The following LRRC1 variants were observed in gnomAD, a reference collection of about 807,000 sequenced individuals.
LRRC1 encodes leucine-rich repeat-containing protein 1.
LRRC1 carries 28 observed loss-of-function variants against 69.9 expected under a neutral mutation model. That is an observed-to-expected ratio of 0.40 (90% CI 0.30 to 0.55). LRRC1 has a LOEUF of 0.55. Among genes scored for constraint, LRRC1 ranks in the 20% least tolerant of loss-of-function variants. The pLI is 0.47. For synonymous variants in LRRC1, 236 were observed against 240.2 expected (o/e 0.98, Z 0.16); for missense variants, 498 against 609.0 (o/e 0.82, Z 1.92).
chr6:53,827,472 A>G (rs972940423), intron 1 of LRRC1, among the ~76,000 whole-genome samples: 1 of 152,186 alleles, frequency 6.6e-6, no homozygotes, highest in African/African-American at 2.4e-5. Flanking sequence ...TTGAAGGAGC[A>G]GAGGCAAAAT....
chr6:53,918,441 TC>T (rs1227856191), intron 11 of LRRC1, among the ~76,000 whole-genome samples: 5 of 152,262 alleles, frequency 3.3e-5, no homozygotes, highest in African/African-American at 9.6e-5. Context: ...GTTAATACTG[TC>T]CATGCACTCT....
intron 2 of LRRC1, among the ~76,000 whole-genome samples, chr6:53,857,004 T>A (rs551043274): frequency 8.9e-4 from 136 of 152,234 alleles, no homozygotes; most frequent in Non-Finnish European, 1.5e-3. Flanking sequence ...GCTGAAGAAA[T>A]GATCAGGTCT....
intron 2 of LRRC1, among the ~76,000 whole-genome samples, chr6:53,849,748 G>A (rs1474906095): frequency 6.6e-6 from 1 of 152,226 alleles, no homozygotes; most frequent in Admixed American, 6.5e-5. Context: ...AGCTTTATAA[G>A]TGTTGAATAA....
intron 4 of LRRC1, among the ~76,000 whole-genome samples, 162 bp from the exon 5 acceptor site, chr6:53,896,336 A>T (rs550079078): frequency 6.6e-6 from 1 of 152,262 alleles, no homozygotes; most frequent in South Asian, 2.1e-4. Context: ...ATTGTTTTTA[A>T]TGGGTGTGGG....
intron 4 of LRRC1, among the ~76,000 whole-genome samples, chr6:53,893,444 T>C (rs1767767039): frequency 6.6e-6 from 1 of 152,096 alleles, no homozygotes; most frequent in African/African-American, 2.4e-5. Context: ...TTTTAAATAG[T>C]TTAAAATAAT....
intron 1 of LRRC1, among the ~76,000 whole-genome samples, chr6:53,837,901 G>A (rs1177115992): frequency 6.6e-6 from 1 of 152,182 alleles, no homozygotes; most frequent in Non-Finnish European, 1.5e-5. Flanking sequence ...AGGCAATTTG[G>A]GTTCCTTTGC....
chr6:53,800,900 A>G (rs9382238), intron 1 of LRRC1, among the ~76,000 whole-genome samples: 30,025 of 152,160 alleles, frequency 0.2, 3,447 homozygotes, highest in East Asian at 0.49. Flanking sequence ...TCAGCCTCCC[A>G]AAGTGCTGGG....
chr6:53,922,982 G>T lies in LRRC1; in HGVS notation c.*189G>T. Reference sequence around the variant, plus strand: ...CCCGCAACCAGTCAGCGCACCAGTGGTCTCCCGGTGTGATTTTTTTTTTTT... The same window carrying T: ...CCCGCAACCAGTCAGCGCACCAGTGTTCTCCCGGTGTGATTTTTTTTTTTT... On this transcript the variant is annotated 3_prime_UTR_variant, in exon 14 of 14. Transcript: ENST00000370888. 1 of 495,316 alleles carries T rather than the reference G, an allele frequency of 2.0e-6. No individual in the cohort carries two copies. Among genetic ancestry groups the T allele is most frequent in the Non-Finnish European group, 3.6e-6 (1 of 281,576 alleles). 30.7% of individuals were successfully genotyped at this position (495,316 alleles called of 1,614,324 possible).
At chr6:53,874,388 A>C (rs1766998062) in intron 2 of LRRC1, among the ~76,000 whole-genome samples, 1 of 151,908 alleles carries the variant, frequency 6.6e-6, no homozygotes, top group South Asian at 2.1e-4. Flanking sequence ...TGAAAAACAA[A>C]CACTATGGTC....
At chr6:53,830,948 TTA>T (rs71676697) in intron 1 of LRRC1, among the ~76,000 whole-genome samples, 120,802 of 145,926 alleles carry the variant, frequency 0.83, 50,207 homozygotes, top group East Asian at 0.92. Context: ...TATTATAATT[TTA>T]TATATATATA....
intron 10 of LRRC1, among the ~76,000 whole-genome samples, chr6:53,906,724 C>A (rs1168671088): frequency 6.6e-6 from 1 of 152,168 alleles, no homozygotes; most frequent in East Asian, 1.9e-4. Flanking sequence ...GTATTTCTAA[C>A]TTCAAAGCGT....
rs749224788 is a variant in LRRC1 at position 53,842,242 on chromosome 6, A to C, written c.277+15A>C. ...GTCTCGAAATGGTAAGAAAGATTCC[A>C]CTTGGGTTGCCTATTTGTCTCTTCA... On this transcript the variant is annotated intron_variant, in intron 2 of 13. Coordinates refer to ENST00000370888, the MANE Select transcript of LRRC1 (RefSeq NM_018214.5). 1 of 1,579,966 alleles carries C rather than the reference A, an allele frequency of 6.3e-7. No homozygotes were observed. The highest frequency in any genetic ancestry group is 8.7e-7 in the Non-Finnish European group (1 of 1,150,020).
intron 2 of LRRC1, among the ~76,000 whole-genome samples, chr6:53,860,971 C>T (rs1766486586): frequency 1.3e-5 from 2 of 151,904 alleles, no homozygotes; most frequent in Non-Finnish European, 1.5e-5. Context: ...TATAAGTGGG[C>T]GCTAAACACT....
rs1481316097 is a variant in LRRC1, at chr6:53,795,269, A to G, written c.13A>G (p.Ile5Val). Residue 5 changes from isoleucine to valine, a missense_variant, in exon 1 of 14, where the codon ATC becomes GTC. Physicochemically the swap from Ile to Val is conservative, Grantham distance 29. Transcript: ENST00000370888. MFHCIPLWRCNRHVE... is the reference protein window; with the variant it reads MFHCVPLWRCNRHVE... Reference sequence around the variant, plus strand: ...GGCGGGGGCGGCGATGTTCCACTGCATCCCCCTGTGGCGGTGCAACCGTCA... The same window carrying G: ...GGCGGGGGCGGCGATGTTCCACTGCGTCCCCCTGTGGCGGTGCAACCGTCA... 3.1e-6 allele frequency: 5 copies of G among 1,610,224 alleles called. No homozygotes were observed. Among genetic ancestry groups the G allele is most frequent in the Non-Finnish European group, 4.2e-6 (5 of 1,179,346 alleles).
chr6:53,884,282 A>T, intron 4 of LRRC1: 1 of 377,780 alleles, frequency 2.6e-6, no homozygotes, highest in Non-Finnish European at 4.8e-6. Flanking sequence ...AGGTGGGAGG[A>T]TTCCTTGAGC....
intron 4 of LRRC1, among the ~76,000 whole-genome samples, chr6:53,885,962 C>A (rs942598679): frequency 2.0e-5 from 3 of 152,008 alleles, no homozygotes; most frequent in Admixed American, 2.0e-4. Context: ...GTTCCTGGGG[C>A]CCTTATGGGC....
chr6:53,842,196 G>T lies in LRRC1; in HGVS notation c.246G>T (p.Met82Ile). 5.0e-6 allele frequency: 8 copies of T among 1,613,852 alleles called. No homozygotes were observed. The highest frequency in any genetic ancestry group is 6.8e-6 in the Non-Finnish European group (8 of 1,179,780). ...TCCCTCCAGAAATAGCAAACTTCATGCAGCTGGTGGAACTAGATGTGTCTC... is the reference window on the plus strand; with the variant it reads ...TCCCTCCAGAAATAGCAAACTTCATTCAGCTGGTGGAACTAGATGTGTCTC... The part of the protein sequence containing the change: ...QRLPPEIANF[M>I]QLVELDVSRN... Residue 82 changes from methionine to isoleucine, a missense_variant, in exon 2 of 14, where the codon ATG becomes ATT. By Grantham distance (10) the Met-to-Ile change is conservative. This residue lies in a region of LRRC1 where 266 missense variants were observed against 383.9 expected (regional missense o/e 0.69). Transcript: ENST00000370888.
chr6:53,828,294 A>T (rs1274236567), intron 1 of LRRC1, among the ~76,000 whole-genome samples: 1 of 152,140 alleles, frequency 6.6e-6, no homozygotes, highest in African/African-American at 2.4e-5. Flanking sequence ...TTCATTTGCC[A>T]TCTTAGGTGC....
intron 2 of LRRC1, among the ~76,000 whole-genome samples, chr6:53,860,292 A>G (rs1766452335): frequency 1.3e-5 from 2 of 152,250 alleles, no homozygotes; most frequent in South Asian, 4.1e-4. Context: ...CCAGAAGAAT[A>G]TATGTGCATG....
Sources: allele counts gnomAD v4.1 joint callset (sites outside exome capture counted in the v4.1 genomes callset), GRCh38; gene constraint gnomAD v4.1.1; regional missense constraint gnomAD v4.1.1; transcripts MANE v1.5; gene names NCBI Gene and HGNC (gene_info 2026-07-23, HGNC 2026-07-21).